The following ALG5 variants were observed in gnomAD, a reference collection of about 807,000 sequenced individuals.
ALG5 encodes dolichyl-phosphate beta-glucosyltransferase.
Under a neutral mutation model 51.8 loss-of-function variants are expected in ALG5, and 26 were observed. That is an observed-to-expected ratio of 0.50 (90% CI 0.37 to 0.70). ALG5 has a LOEUF of 0.70. Ranked by LOEUF, ALG5 falls within the 30% of genes least tolerant of loss-of-function variation. The pLI is 0.00. For missense variants in ALG5, 311 were observed against 399.3 expected (o/e 0.78, Z 1.88); for synonymous variants, 141 against 136.1 (o/e 1.04, Z -0.25).
intron 4 of ALG5, among the ~76,000 whole-genome samples, chr13:36,990,079 CTTCT>C (rs2059019337): frequency 6.6e-6 from 1 of 152,200 alleles, no homozygotes; most frequent in African/African-American, 2.4e-5. Flanking sequence ...AGTAAATTCT[CTTCT>C]AAATCTTCAA....
intron 8 of ALG5, among the ~76,000 whole-genome samples, chr13:36,957,494 A>G (rs555648570): frequency 6.6e-6 from 1 of 152,270 alleles, no homozygotes; most frequent in Admixed American, 6.5e-5. Context: ...GAAGTATCCC[A>G]GGCGTTAGGC....
chr13:36,999,190 G>A, intron 1 of ALG5, 45 bp downstream of exon 1: 4 of 1,506,536 alleles, frequency 2.7e-6, no homozygotes, highest in African/African-American at 1.4e-5. Context: ...GTCTCCAGGA[G>A]AGCGGTAAGC....
chr13:36,966,835 T>C (rs1189809683), intron 7 of ALG5, among the ~76,000 whole-genome samples: 1 of 152,226 alleles, frequency 6.6e-6, no homozygotes, highest in African/African-American at 2.4e-5. Flanking sequence ...GCTTTTGCTT[T>C]TCAAAATTAT....
At chr13:36,967,241 A>AAAAAG (rs1172853816) in intron 7 of ALG5, among the ~76,000 whole-genome samples, 3 of 151,782 alleles carry the variant, frequency 2.0e-5, no homozygotes, top group Non-Finnish European at 2.9e-5. Flanking sequence ...AAAAAAAGAA[A>AAAAAG]AAAAGAAAAG....
chr13:36,972,110 A>AT, intron 6 of ALG5, 74 bp from the exon 7 acceptor site: 1 of 1,174,882 alleles, frequency 8.5e-7, no homozygotes, highest in Non-Finnish European at 1.2e-6. Flanking sequence ...CAATGAGAAT[A>AT]TCTCATTTTT....
intron 8 of ALG5, among the ~76,000 whole-genome samples, chr13:36,963,862 G>A (rs2058879759): frequency 6.6e-6 from 1 of 152,114 alleles, no homozygotes; most frequent in South Asian, 2.1e-4. Context: ...TACCCAACAT[G>A]AACAGGATTC....
chr13:36,959,438 CTT>C (rs1467140310), intron 8 of ALG5, among the ~76,000 whole-genome samples: 1 of 152,166 alleles, frequency 6.6e-6, no homozygotes, highest in Non-Finnish European at 1.5e-5. Context: ...CATAATATCA[CTT>C]TGTATCCTAA....
At chr13:36,997,270 C>T (rs774245231) in intron 1 of ALG5, among the ~76,000 whole-genome samples, 67 of 151,906 alleles carry the variant, frequency 4.4e-4, no homozygotes, top group South Asian at 1.0e-3. Flanking sequence ...TTCAGGAGTT[C>T]GAGACCAGCC....
chr13:36,987,138 G>A (rs2059005375), intron 5 of ALG5, among the ~76,000 whole-genome samples: 3 of 152,034 alleles, frequency 2.0e-5, no homozygotes, highest in Non-Finnish European at 2.9e-5. Context: ...TCTGACATAT[G>A]TGGATGACTC....
At chr13:36,981,119 T>C (rs193019563) in intron 6 of ALG5, among the ~76,000 whole-genome samples, 286 of 152,306 alleles carry the variant, frequency 1.9e-3, no homozygotes, top group Non-Finnish European at 3.6e-3. Context: ...AAAGAAATTG[T>C]AGGCAACTTT....
At chr13:36,973,895 C>T (rs2058937766) in intron 6 of ALG5, among the ~76,000 whole-genome samples, 1 of 152,154 alleles carries the variant, frequency 6.6e-6, no homozygotes, top group South Asian at 2.1e-4. Context: ...CCATACTGTG[C>T]CCGCACACTC....
chr13:36,967,922 T>C lies in ALG5; in HGVS notation c.622-2196A>G, dbSNP rs536340973. On this transcript the variant is annotated intron_variant, in intron 7 of 9. Transcript: ENST00000239891. ...ATTTTTAATGTGATTTGAGTGAGCT[T>C]ATTTGTTCGCAAATAAAACTATTCA... 7.1e-5 allele frequency: 44 copies of C among 622,570 alleles called. 1 individual carries two copies. In the African/African-American group the frequency reaches 7.9e-4, roughly 11 times the overall value. The allele number at this position is 622,570 out of a possible 1,614,324, so 38.6% of individuals were successfully genotyped here.
chr13:36,984,816 T>C (rs910940280), intron 6 of ALG5, among the ~76,000 whole-genome samples: 3 of 152,074 alleles, frequency 2.0e-5, no homozygotes, highest in Non-Finnish European at 4.4e-5. Context: ...TTCCCTGGTC[T>C]TGTGAGATTT....
intron 8 of ALG5, among the ~76,000 whole-genome samples, chr13:36,962,245 T>C (rs1049532654): frequency 2.6e-5 from 4 of 151,464 alleles, no homozygotes; most frequent in Admixed American, 6.6e-5. Flanking sequence ...AAATAAGGCA[T>C]AGATATACAA....
chr13:36,951,604 T>C (rs1406514132), intron 9 of ALG5, among the ~76,000 whole-genome samples: 1 of 152,156 alleles, frequency 6.6e-6, no homozygotes, highest in African/African-American at 2.4e-5. Context: ...AGGAGAAAAC[T>C]AGAATATGTT....
At chr13:36,959,640 C>T (rs1246590649) in intron 8 of ALG5, among the ~76,000 whole-genome samples, 4 of 151,970 alleles carry the variant, frequency 2.6e-5, no homozygotes, top group South Asian at 2.1e-4. Context: ...GACTCCTTCA[C>T]AGAAGTATGG....
intron 2 of ALG5, 68 bp downstream of exon 2, chr13:36,995,357 T>G (rs755680858): frequency 1.5e-5 from 22 of 1,505,586 alleles, no homozygotes; most frequent in Non-Finnish European, 1.9e-5. Flanking sequence ...GACAGTGAAG[T>G]CAAATACTTT....
intron 8 of ALG5, among the ~76,000 whole-genome samples, chr13:36,963,230 G>A (rs918348466): frequency 3.3e-5 from 5 of 152,150 alleles, no homozygotes; most frequent in African/African-American, 1.2e-4. Flanking sequence ...GGGATTACAG[G>A]CATGAGCCAT....
At chr13:36,966,901 C>A (rs1220776519) in intron 7 of ALG5, among the ~76,000 whole-genome samples, 3 of 151,980 alleles carry the variant, frequency 2.0e-5, no homozygotes, top group Admixed American at 6.6e-5. Flanking sequence ...CCAAACAGAA[C>A]CACAGTGGAA....
Sources: gnomAD v4.1 joint callset for allele counts (sites outside exome capture counted in the v4.1 genomes callset) on GRCh38, gnomAD v4.1.1 for gene constraint, MANE v1.5 for transcripts, NCBI Gene and HGNC (gene_info 2026-07-23, HGNC 2026-07-21) for gene names.